Variants in RPS6KC1 observed in about 807,000 individuals in gnomAD.
RPS6KC1 encodes the protein inactive ribosomal protein S6 kinase delta-1.
In RPS6KC1, 54 loss-of-function variants were observed where a neutral mutation model predicts 103.8. The ratio of observed to expected loss-of-function variants is 0.52; its 90% CI spans 0.42 to 0.65. The LOEUF is 0.65. Among genes scored for constraint, RPS6KC1 ranks in the 30% least tolerant of loss-of-function variants. RPS6KC1 has a pLI of 0.00. For missense variants in RPS6KC1, 1,151 were observed against 1,253.8 expected, an observed-to-expected ratio of 0.92 and a Z score of 1.24; for synonymous variants, 439 against 438.7, an observed-to-expected ratio of 1.00 and a Z score of -0.01.
At chr1:213,614,162 G>A in the RPS6KC1 span, among the ~76,000 whole-genome samples, 2 of 152,184 alleles carry the variant, frequency 1.3e-5, no homozygotes, top group African/African-American at 2.4e-5. Flanking sequence ...TCCCAGAGAG[G>A]TGAAGTGGCT....
At chr1:213,338,050 G>A in the RPS6KC1 span, among the ~76,000 whole-genome samples, 1 of 152,128 alleles carries the variant, frequency 6.6e-6, no homozygotes, top group African/African-American at 2.4e-5. Flanking sequence ...AAGGTGACCT[G>A]AACCAAGAGG....
At chr1:213,091,735 AT>A (rs2148661715) in intron 3 of RPS6KC1, among the ~76,000 whole-genome samples, 1 of 152,308 alleles carries the variant, frequency 6.6e-6, no homozygotes, top group South Asian at 2.1e-4. Context: ...GACAGCTTGA[AT>A]TTTATCACTG....
At chr1:213,806,139 T>C in the RPS6KC1 span, among the ~76,000 whole-genome samples, 2 of 152,146 alleles carry the variant, frequency 1.3e-5, no homozygotes, top group African/African-American at 4.8e-5. Context: ...GAGACCATCC[T>C]GGCTAACACG....
At chr1:213,076,503 C>G (rs928515435) in intron 2 of RPS6KC1, among the ~76,000 whole-genome samples, 10 of 152,066 alleles carry the variant, frequency 6.6e-5, no homozygotes, top group Admixed American at 2.0e-4. Context: ...TCAGAAGACC[C>G]CAGTATCTGA....
chr1:213,683,081 A>C, the RPS6KC1 span, among the ~76,000 whole-genome samples: 1 of 152,328 alleles, frequency 6.6e-6, no homozygotes, highest in African/African-American at 2.4e-5. Context: ...TTACAATTAC[A>C]AATAAGACTG....
intron 5 of RPS6KC1, among the ~76,000 whole-genome samples, chr1:213,128,192 A>C (rs541754759): frequency 6.6e-6 from 1 of 152,358 alleles, no homozygotes; most frequent in South Asian, 2.1e-4. Context: ...CAGATATGAG[A>C]TTCTAGCTAT....
At chr1:213,301,193 T>A in the RPS6KC1 span, among the ~76,000 whole-genome samples, 1 of 152,306 alleles carries the variant, frequency 6.6e-6, no homozygotes, top group East Asian at 1.9e-4. Flanking sequence ...TTCAGTGTCT[T>A]TTGTATATTT....
At chr1:213,389,947 G>A in the RPS6KC1 span, among the ~76,000 whole-genome samples, 84 of 152,248 alleles carry the variant, frequency 5.5e-4, no homozygotes, top group African/African-American at 1.9e-3. Flanking sequence ...ATGAGGCATG[G>A]TGGAAAGTAA....
chr1:213,632,940 G>A, the RPS6KC1 span, among the ~76,000 whole-genome samples: 1 of 152,160 alleles, frequency 6.6e-6, no homozygotes, highest in Non-Finnish European at 1.5e-5. Flanking sequence ...GTGGAAGAAA[G>A]GGTATCAGTG....
the RPS6KC1 span, among the ~76,000 whole-genome samples, chr1:213,676,372 C>A: frequency 6.6e-6 from 1 of 152,110 alleles, no homozygotes; most frequent in Non-Finnish European, 1.5e-5. Context: ...AGGAGAGTAT[C>A]TGTCATATAG....
At chr1:213,543,506 G>A in the RPS6KC1 span, among the ~76,000 whole-genome samples, 4 of 152,208 alleles carry the variant, frequency 2.6e-5, no homozygotes, top group South Asian at 4.1e-4. Flanking sequence ...GAAGTATTCA[G>A]ATTGAGGTGA....
chr1:213,500,797 T>TG, the RPS6KC1 span, among the ~76,000 whole-genome samples: 5 of 152,174 alleles, frequency 3.3e-5, no homozygotes, highest in African/African-American at 4.8e-5. Flanking sequence ...TCTAAACATA[T>TG]GAACAATAAA....
At chr1:213,389,535 GC>G in the RPS6KC1 span, among the ~76,000 whole-genome samples, 1 of 152,166 alleles carries the variant, frequency 6.6e-6, no homozygotes, top group Non-Finnish European at 1.5e-5. Context: ...TGGCTGTCTC[GC>G]GTCTGCATCC....
the RPS6KC1 span, among the ~76,000 whole-genome samples, chr1:213,463,351 A>G: frequency 6.6e-6 from 1 of 152,154 alleles, no homozygotes; most frequent in Non-Finnish European, 1.5e-5. Context: ...CAGCTGAGTG[A>G]TCTAGCTTTG....
chr1:213,178,195 A>G (rs537638994), intron 8 of RPS6KC1, among the ~76,000 whole-genome samples: 4 of 132,496 alleles, frequency 3.0e-5, no homozygotes, highest in African/African-American at 1.4e-4. Context: ...CAAAATAAAT[A>G]AATAAATAAA....
the RPS6KC1 span, among the ~76,000 whole-genome samples, chr1:213,601,006 C>T: frequency 6.6e-6 from 1 of 152,172 alleles, no homozygotes; most frequent in Non-Finnish European, 1.5e-5. Context: ...TGGGTGAAGC[C>T]ATGCTTTGCA....
chr1:213,332,216 G>A, the RPS6KC1 span, among the ~76,000 whole-genome samples: 1 of 152,220 alleles, frequency 6.6e-6, no homozygotes, highest in Non-Finnish European at 1.5e-5. Flanking sequence ...GTCATTTTAT[G>A]CCACCTGCCC....
the RPS6KC1 span, chr1:213,817,615 G>A: frequency 4.6e-5 from 7 of 152,184 alleles, no homozygotes; most frequent in South Asian, 6.2e-4. Flanking sequence ...CTGTCTGAGC[G>A]TTCTTTCCTA....
At chr1:213,451,414 A>C in the RPS6KC1 span, among the ~76,000 whole-genome samples, 4 of 152,196 alleles carry the variant, frequency 2.6e-5, no homozygotes, top group Non-Finnish European at 4.4e-5. Context: ...AACTTATTCC[A>C]GGCCTGAAGG....
Sources: gnomAD v4.1 joint callset for allele counts (sites outside exome capture counted in the v4.1 genomes callset) on GRCh38, gnomAD v4.1.1 for gene constraint, MANE v1.5 for transcripts, NCBI Gene and HGNC (gene_info 2026-07-23, HGNC 2026-07-21) for gene names.